The following CTNNA3 variants were observed in gnomAD, a reference collection of about 807,000 sequenced individuals.
CTNNA3 encodes the protein catenin alpha-3.
A neutral mutation model predicts 95.7 loss-of-function variants in CTNNA3; 76 were observed. That is an observed-to-expected ratio of 0.79 (90% CI 0.66 to 0.96). CTNNA3 has a LOEUF of 0.96. Among genes scored for constraint, CTNNA3 ranks in the 40% least tolerant of loss-of-function variants. CTNNA3 has a pLI of 0.00. For missense variants in CTNNA3, 1,191 were observed against 1,089.8 expected, an observed-to-expected ratio of 1.09 and a Z score of -1.31; for synonymous variants, 431 against 374.4, an observed-to-expected ratio of 1.15 and a Z score of -1.74.
intron 7 of CTNNA3, among the ~76,000 whole-genome samples, chr10:67,041,081 T>C (rs1004489188): frequency 3.3e-5 from 5 of 152,114 alleles, no homozygotes; most frequent in African/African-American, 1.2e-4. Context: ...ATAATAAGAT[T>C]AGTGTTATTT....
At chr10:66,790,024 CA>C (rs1165221463) in intron 7 of CTNNA3, among the ~76,000 whole-genome samples, 2 of 152,158 alleles carry the variant, frequency 1.3e-5, no homozygotes, top group East Asian at 3.9e-4. Context: ...ACATGCAAGG[CA>C]TAACGGGGTG....
chr10:66,342,451 G>C (rs10450294), intron 12 of CTNNA3, among the ~76,000 whole-genome samples: 3 of 151,972 alleles, frequency 2.0e-5, no homozygotes, highest in Admixed American at 1.3e-4. Flanking sequence ...TTTCTAGATG[G>C]TTTAAATTTA....
intron 14 of CTNNA3, among the ~76,000 whole-genome samples, chr10:66,076,889 A>C (rs148476676): frequency 6.6e-6 from 1 of 151,756 alleles, no homozygotes; most frequent in African/African-American, 2.4e-5. Context: ...ACATTTGCAG[A>C]TCTCCTATAA....
At chr10:67,356,002 C>A (rs1350886939) in intron 5 of CTNNA3, among the ~76,000 whole-genome samples, 2 of 151,948 alleles carry the variant, frequency 1.3e-5, no homozygotes, top group Non-Finnish European at 2.9e-5. Context: ...ACTTTAAAGA[C>A]CATCAAGAGA....
chr10:66,595,451 C>T (rs978408695), intron 10 of CTNNA3, among the ~76,000 whole-genome samples: 1 of 151,990 alleles, frequency 6.6e-6, no homozygotes, highest in South Asian at 2.1e-4. Flanking sequence ...TCCAGCAATT[C>T]TCCTGCCTCA....
chr10:66,261,962 G>A (rs1197054075), intron 13 of CTNNA3, among the ~76,000 whole-genome samples: 1 of 151,844 alleles, frequency 6.6e-6, no homozygotes, highest in East Asian at 1.9e-4. Context: ...TGGATTTGAG[G>A]TTCCTTCCCA....
chr10:67,217,671 G>T (rs935481903), intron 6 of CTNNA3, among the ~76,000 whole-genome samples: 4 of 152,132 alleles, frequency 2.6e-5, no homozygotes, highest in African/African-American at 9.7e-5. Context: ...AAAGAGAAGA[G>T]GTCTCAGAAG....
At chr10:67,209,628 A>AT (rs1442734708) in intron 6 of CTNNA3, among the ~76,000 whole-genome samples, 1 of 152,106 alleles carries the variant, frequency 6.6e-6, no homozygotes, top group African/African-American at 2.4e-5. Context: ...AATTCCAAAC[A>AT]TTTTCCAAAA....
intron 13 of CTNNA3, among the ~76,000 whole-genome samples, chr10:66,268,357 G>A (rs923258761): frequency 7.2e-5 from 11 of 152,060 alleles, no homozygotes; most frequent in East Asian, 3.9e-4. Flanking sequence ...GCAATATGGC[G>A]TGTGCTTTGT....
At chr10:67,005,602 G>A (rs1851921132) in intron 7 of CTNNA3, among the ~76,000 whole-genome samples, 1 of 150,098 alleles carries the variant, frequency 6.7e-6, no homozygotes, top group South Asian at 2.1e-4. Flanking sequence ...GGAAAAAAAG[G>A]TATGTGGTCT....
At chr10:66,680,523 G>A (rs1239850013) in intron 9 of CTNNA3, among the ~76,000 whole-genome samples, 1 of 152,130 alleles carries the variant, frequency 6.6e-6, no homozygotes, top group Non-Finnish European at 1.5e-5. Flanking sequence ...TGAATGAACA[G>A]CAACATTTCC....
chr10:66,222,656 AGAGT>A (rs2089022914), intron 13 of CTNNA3, among the ~76,000 whole-genome samples: 1 of 142,974 alleles, frequency 7.0e-6, no homozygotes, highest in African/African-American at 2.5e-5. Flanking sequence ...AGAGAGGAAG[AGAGT>A]AAGGAAGGGA....
chr10:66,003,112 C>T (rs921727873), intron 15 of CTNNA3, among the ~76,000 whole-genome samples: 4 of 152,086 alleles, frequency 2.6e-5, no homozygotes, highest in Non-Finnish European at 5.9e-5. Flanking sequence ...AATTTTATTT[C>T]CTATTTTGAA....
At chr10:66,337,189 AAT>A (rs1380237895) in intron 12 of CTNNA3, among the ~76,000 whole-genome samples, 2 of 152,132 alleles carry the variant, frequency 1.3e-5, no homozygotes, top group African/African-American at 2.4e-5. Flanking sequence ...ATTTTTAAAA[AAT>A]ATGTCAGTTT....
rs187752783 is a variant in CTNNA3 at position 66,766,413 on chromosome 10, G to A, written c.1132C>T (p.Arg378Cys). The change falls in exon 9 of 18, where the codon CGC becomes TGC. Residue 378 changes from arginine (R) to cysteine (C), a missense_variant. By Grantham distance (180) the Arg-to-Cys change is radical. Transcript: ENST00000433211. ...GACACATGATCTATAATAGCCTTGC[G>A]GAGCTGAGAAGAAATGAAAAATTCA... The part of the protein sequence containing the change: ...KKTRDLRRQL[R>C]KAIIDHVSDS... The A allele has an allele frequency of 6.1e-4, 973 of 1,602,088 alleles. 1 individual carries two copies. The highest frequency in any genetic ancestry group is 7.3e-4 in the Non-Finnish European group (861 of 1,174,386).
intron 1 of CTNNA3, among the ~76,000 whole-genome samples, chr10:67,716,387 T>C (rs1016704661): frequency 7.2e-5 from 11 of 152,174 alleles, no homozygotes; most frequent in African/African-American, 4.8e-5. Flanking sequence ...GTTTGTTACA[T>C]AGGTATATAC....
rs891759251 is a variant in CTNNA3 at position 66,289,358 on chromosome 10, A to G, written c.1733-8737T>C. 9.0e-5 allele frequency among the ~76,000 whole-genome samples: 6 copies of G among 66,882 alleles called. 1 individual carries two copies. Among genetic ancestry groups the G allele is most frequent in the Non-Finnish European group, 1.9e-4 (6 of 31,764 alleles). 43.9% of individuals were successfully genotyped at this position (66,882 alleles called of 152,430 possible). On this transcript the variant is annotated intron_variant, in intron 12 of 17. Coordinates refer to ENST00000433211, the MANE Select transcript of CTNNA3 (RefSeq NM_013266.4). ...AATCCCAGCACTTTGGAAACAAACAAGAAAGATTTTTAAAGAATAAATTTA... is the reference window on the plus strand; with the variant it reads ...AATCCCAGCACTTTGGAAACAAACAGGAAAGATTTTTAAAGAATAAATTTA...
rs187187272 is a variant in CTNNA3, at chr10:67,003,913, C to G, written c.1047+176404G>C. On this transcript the variant is annotated intron_variant, in intron 7 of 17. Transcript: ENST00000433211. ...GAAGAGAATAAACTGTGAGACTATA[C>G]CTTGCACATGTTTTTTATTGCATGA... Among the ~76,000 whole-genome samples, 32 of 152,202 alleles carry G rather than the reference C, an allele frequency of 2.1e-4. 1 individual carries two copies. The highest frequency in any genetic ancestry group is 9.2e-4 in the Admixed American group (14 of 15,286).
intron 7 of CTNNA3, among the ~76,000 whole-genome samples, chr10:66,975,777 C>A (rs144284539): frequency 6.6e-6 from 1 of 152,288 alleles, no homozygotes; most frequent in East Asian, 1.9e-4. Context: ...CTATTTAGCA[C>A]TCCTTTCTGT....
Sources: gnomAD v4.1 joint callset for allele counts (sites outside exome capture counted in the v4.1 genomes callset) on GRCh38, gnomAD v4.1.1 for gene constraint, MANE v1.5 for transcripts, NCBI Gene and HGNC (gene_info 2026-07-23, HGNC 2026-07-21) for gene names.